DDI2: variants seen among roughly 807,000 people sequenced by gnomAD.
DDI2 encodes the protein protein DDI1 homolog 2.
A neutral mutation model predicts 48.1 loss-of-function variants in DDI2; 5 were observed. The observed-to-expected ratio is 0.10, with a 90% CI of 0.05 to 0.22. The LOEUF (loss-of-function observed/expected upper bound fraction) is 0.22, where lower values mean the gene tolerates loss of function less well. Ranked by LOEUF, DDI2 falls within the 10% of genes least tolerant of loss-of-function variation. DDI2 has a pLI of 1.00. For missense variants in DDI2, 285 were observed against 506.2 expected (o/e 0.56, Z 4.19); for synonymous variants, 205 against 183.6 (o/e 1.12, Z -0.94).
In DDI2 at chr1:15,632,912, C is replaced by G. The variant is rs1203696351; in HGVS notation, c.506-527C>G. ...TTCTTATAAAAAATTTTTGCAAATA[C>G]TTTTTTTTTTTTTTTTTTTAAAAAA... On this transcript the variant is annotated intron_variant, in intron 3 of 9. Coordinates refer to ENST00000480945, the MANE Select transcript of DDI2 (RefSeq NM_032341.5). Among the ~76,000 whole-genome samples, 3 of 99,916 alleles carry G rather than the reference C, an allele frequency of 3.0e-5. No individual in the cohort carries two copies. In the East Asian group the frequency reaches 8.3e-4, roughly 28 times the overall value. 65.5% of individuals were successfully genotyped at this position (99,916 alleles called of 152,430 possible). A position where few individuals can be genotyped will look rare whatever the true frequency, so the allele number is the denominator to read the frequency against.
At chr1:15,633,032 C>T (rs1485947204) in intron 3 of DDI2, among the ~76,000 whole-genome samples, 2 of 151,456 alleles carry the variant, frequency 1.3e-5, no homozygotes, top group Non-Finnish European at 2.9e-5. Flanking sequence ...GGCCATCCCC[C>T]CACCCTTGAA....
intron 4 of DDI2, chr1:15,633,825 A>C: frequency 2.0e-6 from 1 of 488,030 alleles, no homozygotes; most frequent in Non-Finnish European, 4.0e-6. Context: ...CAGACAGAGC[A>C]TCATAACACA....
At chr1:15,645,727 G>A (rs999410786) in intron 6 of DDI2, among the ~76,000 whole-genome samples, 2 of 152,092 alleles carry the variant, frequency 1.3e-5, no homozygotes, top group Non-Finnish European at 2.9e-5. Context: ...TTAAATAGCC[G>A]GGTGTGGTGG....
chr1:15,659,903 A>G lies in DDI2; in HGVS notation c.*113A>G. ...TTACCAACTTCAGATGGGTTTAACCATCCCGCCCGTTCTTCAGGACAGAGT... is the reference window on the plus strand; with the variant it reads ...TTACCAACTTCAGATGGGTTTAACCGTCCCGCCCGTTCTTCAGGACAGAGT... On this transcript the variant is annotated 3_prime_UTR_variant, in exon 10 of 10. Transcript: ENST00000480945. 6.2e-7 allele frequency: 1 copy of G among 1,603,574 alleles called. No individual in the cohort carries two copies. The highest frequency in any genetic ancestry group is 8.5e-7 in the Non-Finnish European group (1 of 1,176,638).
chr1:15,656,509 C>G, intron 8 of DDI2, 108 bp from the exon 9 acceptor site: 2 of 1,605,836 alleles, frequency 1.2e-6, no homozygotes, highest in Non-Finnish European at 1.7e-6. Context: ...TTGGAATCTA[C>G]CAGTTCCTGA....
chr1:15,654,810 C>T (rs1039860613), intron 8 of DDI2, among the ~76,000 whole-genome samples: 3 of 152,096 alleles, frequency 2.0e-5, no homozygotes, highest in Admixed American at 6.6e-5. Context: ...TTTAATCTTA[C>T]CTGCAAGGTA....
chr1:15,629,119 T>C (rs1639804273), intron 2 of DDI2, among the ~76,000 whole-genome samples: 1 of 152,194 alleles, frequency 6.6e-6, no homozygotes, highest in South Asian at 2.1e-4. Flanking sequence ...CCTTTTCTTC[T>C]TTCTTTTCTA....
At chr1:15,617,888 G>A (rs1458202740) in intron 1 of DDI2, 80 bp downstream of exon 1, 1 of 1,420,098 alleles carries the variant, frequency 7.0e-7, no homozygotes, top group African/African-American at 1.4e-5. Context: ...CTTTGCTACT[G>A]GTGAAGAATT....
Position 15,630,456 on chromosome 1 carries a change from A to C in DDI2, c.400A>C (p.Asn134His). The change falls in exon 3 of 10, where the codon AAT becomes CAT. Residue 134 changes from asparagine to histidine, a missense_variant. This residue lies in a region of DDI2 where 149 missense variants were observed against 236.5 expected (regional missense o/e 0.63). Transcript: ENST00000480945. ...AACTTCATCTCCTCAGGGCTTGGAC[A>C]ATCCAGCCTTGCTCCGAGATATGTT... ...EITSSPQGLD[N>H]PALLRDMLLA... The C allele has an allele frequency of 6.2e-7, 1 of 1,614,214 alleles. No homozygotes were observed. Among genetic ancestry groups the C allele is most frequent in the Non-Finnish European group, 8.5e-7 (1 of 1,180,030 alleles).
Position 15,617,790 on chromosome 1 carries a change from C to T in DDI2, c.120C>T (p.Ile40=). 6.2e-7 allele frequency: 1 copy of T among 1,603,990 alleles called. No individual in the cohort carries two copies. Among genetic ancestry groups the T allele is most frequent in the Admixed American group, 1.7e-5 (1 of 59,480 alleles). ...FRALCELESG[I]PAAESQIVYA... is the part of the protein sequence containing the mutation. ...CGCTGTGCGAGCTCGAGTCTGGCAT[C>T]CCCGCAGCCGAGAGCCAGGTACGCC... The change falls in exon 1 of 10, where the codon ATC becomes ATT. Residue 40 remains isoleucine (I), a synonymous_variant. Coordinates refer to ENST00000480945, the MANE Select transcript of DDI2 (RefSeq NM_032341.5).
chr1:15,651,892 G>C lies in DDI2; in HGVS notation c.1180G>C (p.Ala394Pro), dbSNP rs771151057. 43 of 1,613,068 alleles carry C rather than the reference G, an allele frequency of 2.7e-5. No individual in the cohort carries two copies. Among genetic ancestry groups the C allele is most frequent in the Non-Finnish European group, 3.6e-5 (43 of 1,179,552 alleles). ...AEALQKSAED[A>P]ERQKP is the part of the protein sequence containing the mutation. ...AGCCCTTCAAAAATCAGCAGAGGAT[G>C]CAGGTATTTGGGATGGCCAAACTCT... The change falls in exon 8 of 10, where the codon GCA (alanine) becomes CCA (proline). Residue 394 changes from alanine to proline, a missense_variant. Physicochemically the swap from Ala to Pro is conservative, Grantham distance 27. Around this residue, in one of 3 missense-constraint regions of DDI2, gnomAD observed 66 missense variants for 87.3 expected, o/e 0.76. Transcript: ENST00000480945.
Position 15,666,713 on chromosome 1 carries a change from G to C in DDI2, c.*6923G>C, listed in dbSNP as rs34453754. ...ATTCAGGGGTAACTAAAACAGATTG[G>C]AACCCTGCCCTTGTGAAGCTTTCAG... On this transcript the variant is annotated 3_prime_UTR_variant, in exon 10 of 10. Transcript: ENST00000480945. 0.32 allele frequency: 49,107 copies of C among 152,038 alleles called. 8,782 individuals carry two copies. The highest frequency in any genetic ancestry group is 0.47 in the African/African-American group (19,335 of 41,452). The allele number at this position is 152,038 out of a possible 1,614,324, so 9.4% of individuals were successfully genotyped here. A position where few individuals can be genotyped will look rare whatever the true frequency, so the allele number is the denominator to read the frequency against.
rs532871477 is a variant in DDI2 at position 15,654,791 on chromosome 1, CTT to C, written c.1184-1825_1184-1824del. On this transcript the variant is annotated intron_variant, in intron 8 of 9. Coordinates refer to ENST00000480945, the MANE Select transcript of DDI2 (RefSeq NM_032341.5). Reference sequence around the variant, plus strand: ...TTTTGAACAACCAGACAGAGACTAACTTAATAGTTTTAATCTTACCTGCAAGG... The same window carrying C: ...TTTTGAACAACCAGACAGAGACTAACAATAGTTTTAATCTTACCTGCAAGG... Among the ~76,000 whole-genome samples, 43 of 152,162 alleles carry C rather than the reference CTT, an allele frequency of 2.8e-4. No individual in the cohort carries two copies. The South Asian group carries it at 7.3e-3, about 26-fold the overall frequency.
rs1640423302 is a variant in DDI2 at position 15,664,496 on chromosome 1, T to C, written c.*4706T>C. 1 of 151,564 alleles carries C rather than the reference T, an allele frequency of 6.6e-6. No individual in the cohort carries two copies. Among genetic ancestry groups the C allele is most frequent in the African/African-American group, 2.4e-5 (1 of 41,226 alleles). The allele number at this position is 151,564 out of a possible 1,614,324, so 9.4% of individuals were successfully genotyped here. ...TTTTGGATGACTTAAATTTAGCAGCTCTAGAATGCAAAGGGTATATTAAGG... is the reference window on the plus strand; with the variant it reads ...TTTTGGATGACTTAAATTTAGCAGCCCTAGAATGCAAAGGGTATATTAAGG... On this transcript the variant is annotated 3_prime_UTR_variant, in exon 10 of 10. Transcript: ENST00000480945.
intron 1 of DDI2, among the ~76,000 whole-genome samples, chr1:15,618,955 C>G (rs143711862): frequency 6.6e-6 from 1 of 152,170 alleles, no homozygotes; most frequent in Non-Finnish European, 1.5e-5. Flanking sequence ...AGTATGATTC[C>G]TTTACACAAT....
rs1489677572 is a variant in DDI2, at chr1:15,660,407, A to G, written c.*617A>G. 6.2e-7 allele frequency: 1 copy of G among 1,613,888 alleles called. No individual in the cohort carries two copies. The highest frequency in any genetic ancestry group is 2.2e-5 in the East Asian group (1 of 44,894). On this transcript the variant is annotated 3_prime_UTR_variant, in exon 10 of 10. Coordinates refer to ENST00000480945, the MANE Select transcript of DDI2 (RefSeq NM_032341.5). ...GGGAATGAACAGTATGAGGTTGCACAACAAAAAGCTTCACATGACCAAGAA... is the reference window on the plus strand; with the variant it reads ...GGGAATGAACAGTATGAGGTTGCACGACAAAAAGCTTCACATGACCAAGAA...
rs766132600 is a variant in DDI2, at chr1:15,617,754, C to T, written c.84C>T (p.His28=). The T allele has an allele frequency of 8.7e-6, 14 of 1,610,400 alleles. No individual in the cohort carries two copies. Among genetic ancestry groups the T allele is most frequent in the Non-Finnish European group, 1.2e-5 (14 of 1,178,986 alleles). ...AGGTCGACGCCGACTTCGAGCTGCA[C>T]AACTTCCGCGCGCTGTGCGAGCTCG... The part of the protein sequence containing the change: ...SLQVDADFEL[H]NFRALCELES... The change falls in exon 1 of 10, where the codon CAC becomes CAT. Residue 28 remains histidine, a synonymous_variant. Coordinates refer to ENST00000480945, the MANE Select transcript of DDI2 (RefSeq NM_032341.5).
In DDI2 at chr1:15,651,741, C is replaced by T. The variant is rs369260788; in HGVS notation, c.1029C>T (p.Ile343=). 9.6e-5 allele frequency: 154 copies of T among 1,611,524 alleles called. No homozygotes were observed. The highest frequency in any genetic ancestry group is 1.4e-4 in the South Asian group (13 of 90,662). Residue 343 remains isoleucine (I), a synonymous_variant, in exon 8 of 10, where the codon ATC becomes ATT. Transcript: ENST00000480945. ...SIDLKKNVLV[I]GTTGSQTTFL... ...ACCTGAAGAAAAATGTACTCGTGAT[C>T]GGCACCACAGGCTCCCAGACCACCT...
At chr1:15,619,103 CTCT>C (rs1415631144) in intron 1 of DDI2, among the ~76,000 whole-genome samples, 3 of 152,112 alleles carry the variant, frequency 2.0e-5, no homozygotes, top group Non-Finnish European at 4.4e-5. Flanking sequence ...AGAAAATAAA[CTCT>C]TCAATTTTTT....
Sources: allele counts gnomAD v4.1 joint callset (sites outside exome capture counted in the v4.1 genomes callset), GRCh38; gene constraint gnomAD v4.1.1; regional missense constraint gnomAD v4.1.1; transcripts MANE v1.5; gene names NCBI Gene and HGNC (gene_info 2026-07-23, HGNC 2026-07-21).